DCSTAMP: variants seen among roughly 807,000 people sequenced by gnomAD.
DCSTAMP encodes the protein dendrocyte expressed seven transmembrane protein, also known as dendritic cell-specific transmembrane protein.
DCSTAMP carries 25 observed loss-of-function variants against 33.8 expected under a neutral mutation model. The ratio of observed to expected loss-of-function variants is 0.74; its 90% CI spans 0.54 to 1.03. The LOEUF is 1.03. Among genes scored for constraint, DCSTAMP ranks in the 50% least tolerant of loss-of-function variants. DCSTAMP has a pLI of 0.00. For synonymous variants in DCSTAMP, 245 were observed against 216.7 expected (o/e 1.13, Z -1.15); for missense variants, 531 against 556.8 (o/e 0.95, Z 0.47).
At chr8:104,346,936 T>C (rs1294112532) in intron 1 of DCSTAMP, among the ~76,000 whole-genome samples, 1 of 152,272 alleles carries the variant, frequency 6.6e-6, no homozygotes. Context: ...TGTATTCAGC[T>C]ACTCCGTAAA....
chr8:104,344,099 G>A (rs998185950), intron 1 of DCSTAMP, among the ~76,000 whole-genome samples: 12 of 152,150 alleles, frequency 7.9e-5, no homozygotes, highest in Non-Finnish European at 1.5e-4. Context: ...TGGAAAACTG[G>A]GGGTCTCCCT....
chr8:104,347,612 G>A (rs1810347318), intron 1 of DCSTAMP, among the ~76,000 whole-genome samples: 1 of 152,196 alleles, frequency 6.6e-6, no homozygotes, highest in African/African-American at 2.4e-5. Flanking sequence ...GATGGCTCAC[G>A]TGTCTGTGGT....
rs1810623718 is a variant in DCSTAMP, at chr8:104,356,280, A to G, written c.*82A>G. The G allele has an allele frequency of 2.2e-6, 3 of 1,378,292 alleles. No individual in the cohort carries two copies. Among genetic ancestry groups the G allele is most frequent in the Non-Finnish European group, 3.0e-6 (3 of 1,010,458 alleles). The allele number at this position is 1,378,292 out of a possible 1,614,324, so 85.4% of individuals were successfully genotyped here. A position where few individuals can be genotyped will look rare whatever the true frequency, so the allele number is the denominator to read the frequency against. On this transcript the variant is annotated 3_prime_UTR_variant, in exon 4 of 4. Transcript: ENST00000297581. Reference sequence around the variant, plus strand: ...TGGCAGTCACTATTCATGCCGGATAATAGAGAACTATGTGACGCAGTCCTC... The same window carrying G: ...TGGCAGTCACTATTCATGCCGGATAGTAGAGAACTATGTGACGCAGTCCTC...
rs1810397731 is a variant in DCSTAMP, at chr8:104,349,198, G to A, written c.646G>A (p.Ala216Thr). Residue 216 changes from alanine to threonine, a missense_variant, in exon 2 of 4, where the codon GCC becomes ACC. Physicochemically the swap from Ala to Thr is moderately conservative, Grantham distance 58. Transcript: ENST00000297581. ...VLSSLGQKLL[A>T]FAGLSLVLLG... is the part of the protein sequence containing the mutation. The stretch of plus-strand genomic sequence containing the variant: ...GTCCTCCCTGGGTCAGAAGCTACTT[G>A]CCTTTGCAGGGCTTTCGCTCGTCCT... 6.2e-7 allele frequency: 1 copy of A among 1,614,228 alleles called. No individual in the cohort carries two copies. The highest frequency in any genetic ancestry group is 8.5e-7 in the Non-Finnish European group (1 of 1,180,042).
chr8:104,349,411 C>T lies in DCSTAMP; in HGVS notation c.859C>T (p.Pro287Ser). The T allele has an allele frequency of 6.2e-7, 1 of 1,614,180 alleles. No homozygotes were observed. The highest frequency in any genetic ancestry group is 8.5e-7 in the Non-Finnish European group (1 of 1,180,040). ...YVIIPTFWPT[P>S]KERKNLGLFF... ...CATCATCCCGACTTTCTGGCCGACT[C>T]CTAAAGAAAGGAAAAACCTGGGGCT... The change falls in exon 2 of 4, where the codon CCT becomes TCT. Residue 287 changes from proline to serine, a missense_variant. By Grantham distance (74) the Pro-to-Ser change is moderately conservative (BLOSUM62 -1). Coordinates refer to ENST00000297581, the MANE Select transcript of DCSTAMP (RefSeq NM_030788.4).
chr8:104,348,005 T>C (rs570324164), intron 1 of DCSTAMP, among the ~76,000 whole-genome samples: 75 of 152,118 alleles, frequency 4.9e-4, no homozygotes, highest in African/African-American at 1.7e-3. Context: ...GGCTTTGAGA[T>C]GGTGGAAAAA....
rs764959753 is a variant in DCSTAMP, at chr8:104,355,171, C to T, written c.1324C>T (p.Leu442Phe). 1 of 1,612,976 alleles carries T rather than the reference C, an allele frequency of 6.2e-7. No homozygotes were observed. The highest frequency in any genetic ancestry group is 1.3e-5 in the African/African-American group (1 of 74,870). Residue 442 changes from leucine (L) to phenylalanine (F), a missense_variant, in exon 3 of 4, where the codon CTC (leucine) becomes TTC (phenylalanine). Transcript: ENST00000297581. Reference sequence around the variant, plus strand: ...GGGAGAAGTCAAAAGACGGCTGAGTCTCTATCTTACAAAGGTAAGGCCAAG... The same window carrying T: ...GGGAGAAGTCAAAAGACGGCTGAGTTTCTATCTTACAAAGGTAAGGCCAAG... Reference protein sequence around the residue: ...PLGEVKRRLSLYLTKIHFWLP... With the variant: ...PLGEVKRRLSFYLTKIHFWLP...
chr8:104,340,639 G>A (rs982923427), intron 1 of DCSTAMP, among the ~76,000 whole-genome samples: 1 of 152,212 alleles, frequency 6.6e-6, no homozygotes, highest in African/African-American at 2.4e-5. Context: ...GGCTAGTGGG[G>A]ACCTTAGAAC....
intron 1 of DCSTAMP, among the ~76,000 whole-genome samples, chr8:104,343,348 A>G (rs1013914463): frequency 5.9e-5 from 9 of 152,250 alleles, no homozygotes; most frequent in Non-Finnish European, 1.0e-4. Flanking sequence ...AAAGTAACAC[A>G]TTAATAACTA....
At chr8:104,340,334 C>A (rs1273761185) in intron 1 of DCSTAMP, 1 of 152,206 alleles carries the variant, frequency 6.6e-6, no homozygotes, top group Non-Finnish European at 1.5e-5. Flanking sequence ...AAGGCAAGAA[C>A]AATGAAAACA....
chr8:104,354,139 C>A (rs1810545826), intron 2 of DCSTAMP, among the ~76,000 whole-genome samples: 1 of 152,150 alleles, frequency 6.6e-6, no homozygotes, highest in African/African-American at 2.4e-5. Context: ...CTCTCATGAG[C>A]ATCCAATAGG....
intron 1 of DCSTAMP, among the ~76,000 whole-genome samples, chr8:104,343,789 C>T (rs541131405): frequency 2.6e-5 from 4 of 152,334 alleles, no homozygotes; most frequent in South Asian, 4.1e-4. Context: ...CTTCTCTCCC[C>T]GCCATGTGAG....
chr8:104,347,618 G>T (rs540700444), intron 1 of DCSTAMP, among the ~76,000 whole-genome samples: 14 of 152,364 alleles, frequency 9.2e-5, no homozygotes, highest in Non-Finnish European at 1.3e-4. Flanking sequence ...TCACGTGTCT[G>T]TGGTCAGCCG....
chr8:104,348,537 T>G lies in DCSTAMP; in HGVS notation c.-12-4T>G, dbSNP rs768525441. Reference sequence around the variant, plus strand: ...TCTGACCTTGGTTTCTTTTTCATTTTCAGGACGCAGGGAGCATGGGTATCT... The same window carrying G: ...TCTGACCTTGGTTTCTTTTTCATTTGCAGGACGCAGGGAGCATGGGTATCT... On this transcript the variant is annotated splice_region_variant and splice_polypyrimidine_tract_variant and intron_variant, in intron 1 of 3. Transcript: ENST00000297581. The G allele has an allele frequency of 2.5e-6, 4 of 1,592,420 alleles. No individual in the cohort carries two copies. Among genetic ancestry groups the G allele is most frequent in the Non-Finnish European group, 3.4e-6 (4 of 1,171,294 alleles).
At chr8:104,346,172 C>T (rs141214332) in intron 1 of DCSTAMP, among the ~76,000 whole-genome samples, 19 of 152,276 alleles carry the variant, frequency 1.2e-4, no homozygotes, top group Non-Finnish European at 2.1e-4. Context: ...GCTTGGGGCA[C>T]GGTTAGAGAG....
rs1213603279 is a variant in DCSTAMP at position 104,348,749 on chromosome 8, T to C, written c.197T>C (p.Ile66Thr). 6.2e-7 allele frequency: 1 copy of C among 1,614,186 alleles called. No homozygotes were observed. Among genetic ancestry groups the C allele is most frequent in the Admixed American group, 1.7e-5 (1 of 60,028 alleles). Residue 66 changes from isoleucine to threonine, a missense_variant, in exon 2 of 4, where the codon ATT (isoleucine) becomes ACT (threonine). Physicochemically the swap from Ile to Thr is moderately conservative, Grantham distance 89. Coordinates refer to ENST00000297581, the MANE Select transcript of DCSTAMP (RefSeq NM_030788.4). Reference sequence around the variant, plus strand: ...ATCATAGCGGCCGCTGCCTCCTGGATTATCACGTGTGTTCTGCTGTGTTGC... The same window carrying C: ...ATCATAGCGGCCGCTGCCTCCTGGACTATCACGTGTGTTCTGCTGTGTTGC... Reference protein sequence around the residue: ...PSIIAAAASWIITCVLLCCSK... With the variant: ...PSIIAAAASWTITCVLLCCSK...
intron 1 of DCSTAMP, among the ~76,000 whole-genome samples, chr8:104,343,959 T>C (rs769086699): frequency 1.4e-4 from 22 of 152,244 alleles, no homozygotes; most frequent in Non-Finnish European, 2.6e-4. Context: ...ATGGCAGCAC[T>C]GGCAGATGAC....
At chr8:104,342,853 C>A (rs541944835) in intron 1 of DCSTAMP, among the ~76,000 whole-genome samples, 3 of 152,298 alleles carry the variant, frequency 2.0e-5, no homozygotes, top group African/African-American at 2.4e-5. Context: ...AAGGGGTGAG[C>A]AAGGTGAGCC....
chr8:104,352,269 C>T (rs1271827221), intron 2 of DCSTAMP, among the ~76,000 whole-genome samples: 1 of 152,196 alleles, frequency 6.6e-6, no homozygotes, highest in Non-Finnish European at 1.5e-5. Context: ...TGGGCTGCTT[C>T]TCAGAGTTGA....
Sources: gnomAD v4.1 joint callset for allele counts (sites outside exome capture counted in the v4.1 genomes callset) on GRCh38, gnomAD v4.1.1 for gene constraint, MANE v1.5 for transcripts, NCBI Gene and HGNC (gene_info 2026-07-23, HGNC 2026-07-21) for gene names.